CD8B2: variants seen among roughly 807,000 people sequenced by gnomAD.
CD8B2 encodes T-cell surface glycoprotein CD8 beta-2 chain.
A neutral mutation model predicts 23.7 loss-of-function variants in CD8B2; 11 were observed. The ratio of observed to expected loss-of-function variants is 0.46; its 90% CI spans 0.29 to 0.77. CD8B2 has a LOEUF of 0.77. Ranked by LOEUF, CD8B2 falls within the 30% of genes least tolerant of loss-of-function variation. CD8B2 has a pLI of 0.09. For synonymous variants in CD8B2, 90 were observed against 109.3 expected (o/e 0.82, Z 1.10); for missense variants, 197 against 270.5 (o/e 0.73, Z 1.91).
chr2:106,511,509 C>G (rs11685440), downstream of CD8B2, among the ~76,000 whole-genome samples: 4,229 of 144,924 alleles, frequency 0.029, 70 homozygotes, highest in Non-Finnish European at 0.031. Context: ...CCGGCCTGTT[C>G]AAAAGAAGAA....
chr2:106,503,468 G>C (rs945872228), intron 4 of CD8B2, among the ~76,000 whole-genome samples: 2 of 152,156 alleles, frequency 1.3e-5, no homozygotes, highest in African/African-American at 4.8e-5. Flanking sequence ...ATAAATCTCA[G>C]TGGTTTGCAA....
At chr2:106,490,586 G>T (rs1679174183) in intron 1 of CD8B2, among the ~76,000 whole-genome samples, 1 of 152,196 alleles carries the variant, frequency 6.6e-6, no homozygotes, top group Non-Finnish European at 1.5e-5. Context: ...GTTCCTTTAT[G>T]CAAGGGCCAG....
intron 5 of CD8B2, among the ~76,000 whole-genome samples, chr2:106,523,989 T>C (rs530703345): frequency 6.6e-6 from 1 of 152,322 alleles, no homozygotes; most frequent in East Asian, 1.9e-4. Context: ...CTATGCTTAT[T>C]CAAAAAGTCC....
At chr2:106,534,853 T>G (rs1398371804) in intron 5 of CD8B2, among the ~76,000 whole-genome samples, 1 of 152,180 alleles carries the variant, frequency 6.6e-6, no homozygotes, top group Non-Finnish European at 1.5e-5. Flanking sequence ...GAGTCTTGCT[T>G]TTTTGCCCAG....
At chr2:106,493,524 G>A (rs898431396) in intron 2 of CD8B2, among the ~76,000 whole-genome samples, 1 of 129,958 alleles carries the variant, frequency 7.7e-6, no homozygotes, top group African/African-American at 2.9e-5. Context: ...CTGCTTCCTC[G>A]GGTAGAAAAT....
intron 1 of CD8B2, among the ~76,000 whole-genome samples, chr2:106,488,326 T>C (rs920824188): frequency 1.7e-4 from 26 of 151,368 alleles, no homozygotes; most frequent in African/African-American, 6.1e-4. Context: ...GAGAATGGAA[T>C]TCCTGGGTTA....
At chr2:106,538,904 C>G (rs1355008149) in intron 5 of CD8B2, among the ~76,000 whole-genome samples, 1 of 151,686 alleles carries the variant, frequency 6.6e-6, no homozygotes, top group African/African-American at 2.4e-5. Context: ...CAGTGTGTCC[C>G]CCTCCCAGAG....
downstream of CD8B2, among the ~76,000 whole-genome samples, chr2:106,514,752 T>TGTG (rs10654321): frequency 6.9e-6 from 1 of 145,402 alleles, no homozygotes; most frequent in Non-Finnish European, 1.5e-5. Context: ...GTTAAGACTT[T>TGTG]TGTGTGTGTG....
chr2:106,507,726 G>A lies in CD8B2; in HGVS notation c.*786G>A. ...ACAGCAAAGACATCAGTGCTCAGTG[G>A]AACAGAAACCAGAAGGAGAAAATTT... is the stretch of plus-strand genomic sequence containing the variant. On this transcript the variant is annotated 3_prime_UTR_variant, in exon 6 of 6. Coordinates refer to ENST00000643224, the MANE Select transcript of CD8B2 (RefSeq NM_001349727.2). 1.3e-6 allele frequency: 1 copy of A among 781,124 alleles called. No individual in the cohort carries two copies. Among genetic ancestry groups the A allele is most frequent in the Non-Finnish European group, 1.6e-6 (1 of 643,536 alleles). 48.4% of individuals were successfully genotyped at this position (781,124 alleles called of 1,614,324 possible).
chr2:106,505,255 T>A (rs897230591), intron 5 of CD8B2, among the ~76,000 whole-genome samples: 5 of 152,144 alleles, frequency 3.3e-5, no homozygotes, highest in African/African-American at 1.2e-4. Context: ...AACAACCCCC[T>A]CTATACAGAA....
intron 5 of CD8B2, 139 bp downstream of exon 5, chr2:106,504,464 G>A: frequency 6.6e-7 from 1 of 1,520,736 alleles, no homozygotes; most frequent in Non-Finnish European, 8.8e-7. Context: ...GTGCACACCT[G>A]TAGTCACAGC....
intron 2 of CD8B2, among the ~76,000 whole-genome samples, chr2:106,494,248 A>G (rs1402464570): frequency 3.4e-5 from 5 of 149,198 alleles, no homozygotes; most frequent in Admixed American, 6.7e-5. Context: ...CACAGGTTCA[A>G]ACGACTCTGC....
At chr2:106,531,452 A>ATCACAC (rs1309277703) in intron 5 of CD8B2, among the ~76,000 whole-genome samples, 1 of 152,122 alleles carries the variant, frequency 6.6e-6, no homozygotes, top group Non-Finnish European at 1.5e-5. Flanking sequence ...TCTGTCCTCT[A>ATCACAC]TCACACGAGT....
intron 5 of CD8B2, among the ~76,000 whole-genome samples, chr2:106,532,682 T>A (rs1310213626): frequency 6.6e-6 from 1 of 152,212 alleles, no homozygotes; most frequent in Non-Finnish European, 1.5e-5. Context: ...CCATATAGGG[T>A]AACTTCCTGG....
At chr2:106,514,737 G>T (rs1157729274), downstream of CD8B2, among the ~76,000 whole-genome samples, 1 of 107,744 alleles carries the variant, frequency 9.3e-6, no homozygotes, top group African/African-American at 3.6e-5. Flanking sequence ...TAATATCCAA[G>T]CTCAGTTAAG....
chr2:106,494,044 G>C (rs1410938859), intron 2 of CD8B2, among the ~76,000 whole-genome samples: 1 of 152,176 alleles, frequency 6.6e-6, no homozygotes, highest in Non-Finnish European at 1.5e-5. Flanking sequence ...TTCCAGAGGA[G>C]GCTCAGAGAG....
intron 2 of CD8B2, among the ~76,000 whole-genome samples, chr2:106,493,935 C>G (rs1679245849): frequency 6.6e-6 from 1 of 152,354 alleles, no homozygotes. Flanking sequence ...AGGCTCAGCA[C>G]TGCTCCCCAC....
At chr2:106,491,534 T>C (rs372888045) in intron 2 of CD8B2, among the ~76,000 whole-genome samples, 1 of 152,174 alleles carries the variant, frequency 6.6e-6, no homozygotes, top group African/African-American at 2.4e-5. Flanking sequence ...AGCATTGTGC[T>C]TCTCTTTTTT....
At chr2:106,504,786 C>T (rs1489817213) in intron 5 of CD8B2, among the ~76,000 whole-genome samples, 2 of 152,188 alleles carry the variant, frequency 1.3e-5, no homozygotes, top group Non-Finnish European at 2.9e-5. Flanking sequence ...TATTTCATCC[C>T]ACCTATTATT....
Sources: allele counts gnomAD v4.1 joint callset (sites outside exome capture counted in the v4.1 genomes callset), GRCh38; gene constraint gnomAD v4.1.1; transcripts MANE v1.5; gene names NCBI Gene and HGNC (gene_info 2026-07-23, HGNC 2026-07-21).